BLNK: variants seen among roughly 807,000 people sequenced by gnomAD.
BLNK encodes the protein B cell linker, also known as B-cell linker protein.
In BLNK, 29 loss-of-function variants were observed where a neutral mutation model predicts 73.5. The observed-to-expected ratio is 0.39, with a 90% CI of 0.29 to 0.54. BLNK has a LOEUF of 0.54. BLNK is among the 20% of genes least tolerant of loss of function. The pLI, the probability that BLNK is intolerant of heterozygous loss-of-function variation, is 0.61. For synonymous variants in BLNK, 176 were observed against 200.8 expected (o/e 0.88, Z 1.04); for missense variants, 460 against 562.8 (o/e 0.82, Z 1.85).
At chr10:96,202,196 G>A (rs1170432686) in intron 13 of BLNK, among the ~76,000 whole-genome samples, 1 of 152,190 alleles carries the variant, frequency 6.6e-6, no homozygotes, top group Non-Finnish European at 1.5e-5. Context: ...TGACTCAAGA[G>A]CTGTAATGAA....
At chr10:96,264,383 G>A (rs2861308) in intron 1 of BLNK, among the ~76,000 whole-genome samples, 111,386 of 152,048 alleles carry the variant, frequency 0.73, 44,446 homozygotes, top group Non-Finnish European at 0.9. Context: ...TCTACAGTGG[G>A]CAAGAGCACC....
intron 1 of BLNK, among the ~76,000 whole-genome samples, chr10:96,268,758 T>A (rs1564857636): frequency 6.6e-6 from 1 of 152,124 alleles, no homozygotes; most frequent in Non-Finnish European, 1.5e-5. Flanking sequence ...CTCCACTCTC[T>A]TTTCAGTCCT....
chr10:96,253,361 C>A (rs1843366754), intron 1 of BLNK, among the ~76,000 whole-genome samples: 1 of 152,144 alleles, frequency 6.6e-6, no homozygotes. Context: ...GATGACCAGA[C>A]CACATGGCAA....
intron 1 of BLNK, among the ~76,000 whole-genome samples, chr10:96,270,402 T>C (rs184976490): frequency 6.6e-6 from 1 of 152,256 alleles, no homozygotes. Flanking sequence ...TAAGTTCTAA[T>C]ATGTAGTCAG....
chr10:96,216,521 C>A (rs1554899889), intron 7 of BLNK, 132 bp downstream of exon 7: 3 of 780,082 alleles, frequency 3.8e-6, no homozygotes, highest in African/African-American at 3.4e-5. Flanking sequence ...CAAAGAAGCA[C>A]ACACTGTGGC....
At chr10:96,251,503 C>T (rs1554909119) in intron 1 of BLNK, among the ~76,000 whole-genome samples, 1 of 152,200 alleles carries the variant, frequency 6.6e-6, no homozygotes. Flanking sequence ...CTTTGATTAT[C>T]TCATTCAGAG....
intron 11 of BLNK, among the ~76,000 whole-genome samples, chr10:96,205,901 C>T (rs2083789812): frequency 6.6e-6 from 1 of 152,152 alleles, no homozygotes; most frequent in South Asian, 2.1e-4. Context: ...GTACTTACTT[C>T]CTACAGATGC....
rs1190068340 is a variant in BLNK, at chr10:96,189,625, ACTTTTGTGCATTTTTGG to A, written c.*2331_*2347del. 1 of 705,082 alleles carries A rather than the reference ACTTTTGTGCATTTTTGG, an allele frequency of 1.4e-6. No homozygotes were observed. The highest frequency in any genetic ancestry group is 2.6e-6 in the Non-Finnish European group (1 of 379,742). The allele number at this position is 705,082 out of a possible 1,614,324, so 43.7% of individuals were successfully genotyped here. A position where few individuals can be genotyped will look rare whatever the true frequency, so the allele number is the denominator to read the frequency against. On this transcript the variant is annotated 3_prime_UTR_variant, in exon 17 of 17. Transcript: ENST00000224337. ...TTTGAGTGTTTTCTATTCTGATTTG[ACTTTTGTGCATTTTTGG>A]CTGGAGTATGTAGATTTCTTCAATG...
At chr10:96,238,596 G>A (rs587629189) in intron 3 of BLNK, among the ~76,000 whole-genome samples, 1 of 152,332 alleles carries the variant, frequency 6.6e-6, no homozygotes, top group African/African-American at 2.4e-5. Flanking sequence ...GTGCAGCTGT[G>A]CAGAAACCTC....
At chr10:96,237,140 G>A (rs1554905234) in intron 3 of BLNK, among the ~76,000 whole-genome samples, 1 of 152,178 alleles carries the variant, frequency 6.6e-6, no homozygotes, top group East Asian at 1.9e-4. Flanking sequence ...GCTCTCCCAT[G>A]TCAGCGTAAG....
At chr10:96,197,898 A>AGT (rs2083513463) in intron 15 of BLNK, among the ~76,000 whole-genome samples, 1 of 149,530 alleles carries the variant, frequency 6.7e-6, no homozygotes. Context: ...CCTGGGTGAC[A>AGT]GAGCGAGACA....
chr10:96,205,459 G>A (rs587662444), intron 11 of BLNK, among the ~76,000 whole-genome samples: 4 of 152,274 alleles, frequency 2.6e-5, no homozygotes, highest in African/African-American at 9.6e-5. Context: ...AGACGTCAGG[G>A]TTTCTTACCA....
At chr10:96,202,927 A>T (rs1446620779) in intron 13 of BLNK, among the ~76,000 whole-genome samples, 1 of 152,110 alleles carries the variant, frequency 6.6e-6, no homozygotes, top group East Asian at 1.9e-4. Context: ...GCCTTCTCAG[A>T]CCATCCTGTC....
intron 16 of BLNK, among the ~76,000 whole-genome samples, chr10:96,195,050 T>C (rs1336724768): frequency 6.6e-6 from 1 of 152,088 alleles, no homozygotes; most frequent in Non-Finnish European, 1.5e-5. Context: ...ATTACAGGCG[T>C]GAGCCACCGC....
At chr10:96,199,914 C>T (rs1242018230) in intron 15 of BLNK, 161 bp downstream of exon 15, 27 of 363,984 alleles carry the variant, frequency 7.4e-5, no homozygotes, top group Admixed American at 3.0e-4. Context: ...ATCCCAGCTG[C>T]TTGGGAGGCT....
At chr10:96,240,776 T>C (rs781805043) in intron 3 of BLNK, among the ~76,000 whole-genome samples, 3 of 152,226 alleles carry the variant, frequency 2.0e-5, no homozygotes, top group Admixed American at 6.5e-5. Context: ...CAGATATTGG[T>C]CTACACGACC....
At chr10:96,255,280 CA>C in intron 1 of BLNK, among the ~76,000 whole-genome samples, 1 of 152,282 alleles carries the variant, frequency 6.6e-6, no homozygotes, top group East Asian at 1.9e-4. Flanking sequence ...ATATTTCGGC[CA>C]GATCACCAGA....
Position 96,227,483 on chromosome 10 carries a change from G to T in BLNK, c.288C>A (p.Tyr96Ter). The stretch of plus-strand genomic sequence containing the variant: ...TTTCCTGCTCTACTGGAGGCGGCTC[G>T]TAGCTGTCATCAGCGTTCTCCTCGG... ...MPAEENADDS[Y>*]EPPPVEQETR... Residue 96 changes from tyrosine (Y) to a stop codon, truncating the protein, a stop_gained, in exon 5 of 17, where the codon TAC (tyrosine) becomes TAA (stop). Coordinates refer to ENST00000224337, the MANE Select transcript of BLNK (RefSeq NM_013314.4). LOFTEE classifies it high-confidence loss of function. 1 of 1,614,226 alleles carries T rather than the reference G, an allele frequency of 6.2e-7. No homozygotes were observed. The highest frequency in any genetic ancestry group is 8.5e-7 in the Non-Finnish European group (1 of 1,180,058).
At chr10:96,246,307 C>A (rs11188678) in intron 2 of BLNK, among the ~76,000 whole-genome samples, 1 of 152,254 alleles carries the variant, frequency 6.6e-6, no homozygotes, top group South Asian at 2.1e-4. Context: ...AATCCCAGCA[C>A]TTTGGGAGGC....
Sources: gnomAD v4.1 joint callset for allele counts (sites outside exome capture counted in the v4.1 genomes callset) on GRCh38, gnomAD v4.1.1 for gene constraint, MANE v1.5 for transcripts, NCBI Gene and HGNC (gene_info 2026-07-23, HGNC 2026-07-21) for gene names.